MCTP1: variants seen among roughly 807,000 people sequenced by gnomAD.
The protein encoded by MCTP1 is multiple C2 and transmembrane domain containing 1, also known as multiple C2 and transmembrane domain-containing protein 1.
A neutral mutation model predicts 120.6 loss-of-function variants in MCTP1; 69 were observed. That is an observed-to-expected ratio of 0.57 (90% CI 0.47 to 0.70). MCTP1 has a LOEUF of 0.70. Ranked by LOEUF, MCTP1 falls within the 30% of genes least tolerant of loss-of-function variation. The pLI is 0.00. For synonymous variants in MCTP1, 529 were observed against 493.1 expected, an observed-to-expected ratio of 1.07 and a Z score of -0.96; for missense variants, 1,203 against 1,248.8, an observed-to-expected ratio of 0.96 and a Z score of 0.55.
intron 16 of MCTP1, among the ~76,000 whole-genome samples, chr5:94,869,398 G>C (rs1797413846): frequency 6.6e-6 from 1 of 151,916 alleles, no homozygotes; most frequent in African/African-American, 2.4e-5. Flanking sequence ...TTTAACAAGT[G>C]GCTAAAATTG....
At chr5:94,719,443 G>A (rs1342499972) in intron 19 of MCTP1, among the ~76,000 whole-genome samples, 1 of 152,190 alleles carries the variant, frequency 6.6e-6, no homozygotes, top group East Asian at 1.9e-4. Context: ...TAGACTGGAT[G>A]AAGAAAATGT....
intron 17 of MCTP1, among the ~76,000 whole-genome samples, chr5:94,818,016 GC>G (rs1284215972): frequency 6.6e-6 from 1 of 152,172 alleles, no homozygotes; most frequent in Non-Finnish European, 1.5e-5. Flanking sequence ...TCAAGGATGG[GC>G]AAATCAGAAC....
chr5:94,782,703 TCAAATAAAAC>T (rs149926959), intron 18 of MCTP1, among the ~76,000 whole-genome samples: 3,602 of 152,140 alleles, frequency 0.024, 64 homozygotes, highest in Middle Eastern at 0.058. Flanking sequence ...TCTTTCCTCT[TCAAATAAAAC>T]CAAATAAGCA....
chr5:94,826,603 C>G lies in MCTP1; in HGVS notation c.2437-27471G>C, dbSNP rs1370900808. 10 of 767,038 alleles carry G rather than the reference C, an allele frequency of 1.3e-5. No homozygotes were observed. In the African/African-American group the frequency reaches 1.5e-4, roughly 12 times the overall value. The allele number at this position is 767,038 out of a possible 1,614,324, so 47.5% of individuals were successfully genotyped here. On this transcript the variant is annotated intron_variant, in intron 17 of 22. Coordinates refer to ENST00000515393, the MANE Select transcript of MCTP1 (RefSeq NM_024717.7). ...TTTGGGCAAACTTCTTTCTCAGGCTCTTGATCTTCAGCTCTGCAAAATTCC... is the reference window on the plus strand; with the variant it reads ...TTTGGGCAAACTTCTTTCTCAGGCTGTTGATCTTCAGCTCTGCAAAATTCC...
Position 95,284,782 on chromosome 5 carries a change from G to A in MCTP1, c.-207C>T, listed in dbSNP as rs1760621743. Among the ~76,000 whole-genome samples, 3 of 152,062 alleles carry A rather than the reference G, an allele frequency of 2.0e-5. No individual in the cohort carries two copies. On this transcript the variant is annotated 5_prime_UTR_variant, in exon 1 of 23. Transcript: ENST00000515393. The surrounding 1 kb of genome is among the most constrained non-coding windows in gnomAD (Gnocchi z 5.2). ...GCGGCCGCCGCCGCCGAGGCTCTCT[G>A]GCCTCGGGACTCCGGCGCTGCCTCT...
intron 17 of MCTP1, among the ~76,000 whole-genome samples, chr5:94,855,200 CT>C (rs554194859): frequency 2.6e-5 from 4 of 151,818 alleles, no homozygotes; most frequent in Non-Finnish European, 5.9e-5. Context: ...CTTCTTTCTG[CT>C]CCATACAATG....
At chr5:94,715,528 A>G (rs1758883031) in intron 19 of MCTP1, among the ~76,000 whole-genome samples, 1 of 152,170 alleles carries the variant, frequency 6.6e-6, no homozygotes, top group African/African-American at 2.4e-5. Flanking sequence ...TTCTAACTAA[A>G]CATTTTTTCC....
chr5:95,206,448 A>T (rs528530365), intron 1 of MCTP1, among the ~76,000 whole-genome samples: 37 of 152,278 alleles, frequency 2.4e-4, no homozygotes, highest in Admixed American at 1.4e-3. Context: ...ATCTCAATGA[A>T]GCTGTTATAA....
chr5:94,831,571 C>T (rs1053930157), intron 17 of MCTP1, among the ~76,000 whole-genome samples: 2 of 152,154 alleles, frequency 1.3e-5, no homozygotes, highest in African/African-American at 2.4e-5. Flanking sequence ...CTTCTTACAG[C>T]TGATAGACAC....
At chr5:95,188,199 T>C (rs1021931629) in intron 1 of MCTP1, among the ~76,000 whole-genome samples, 21 of 152,100 alleles carry the variant, frequency 1.4e-4, no homozygotes, top group Admixed American at 1.3e-4. Flanking sequence ...AAATTAAAAC[T>C]ACAGTGAGAT....
chr5:94,864,960 C>T (rs750085860), intron 17 of MCTP1, among the ~76,000 whole-genome samples: 2 of 151,930 alleles, frequency 1.3e-5, no homozygotes, highest in Admixed American at 6.6e-5. Context: ...GAGACATTTC[C>T]ATGTCTACAA....
At chr5:95,169,365 G>T (rs552236604) in intron 1 of MCTP1, among the ~76,000 whole-genome samples, 2 of 152,000 alleles carry the variant, frequency 1.3e-5, no homozygotes, top group Non-Finnish European at 2.9e-5. Context: ...CTCTTTTTTT[G>T]TGGTGTTTAT....
At chr5:95,052,865 C>A (rs917269018) in intron 1 of MCTP1, among the ~76,000 whole-genome samples, 2 of 152,190 alleles carry the variant, frequency 1.3e-5, no homozygotes, top group African/African-American at 4.8e-5. Flanking sequence ...TCCAGTTAAA[C>A]CTGAATTTTA....
At chr5:95,269,067 T>G (rs1759149629) in intron 1 of MCTP1, among the ~76,000 whole-genome samples, 1 of 152,164 alleles carries the variant, frequency 6.6e-6, no homozygotes, top group Admixed American at 6.5e-5. Flanking sequence ...CTCCACTGAT[T>G]TATCTATAAA....
At chr5:94,878,550 T>C (rs991404409) in intron 12 of MCTP1, among the ~76,000 whole-genome samples, 4 of 152,072 alleles carry the variant, frequency 2.6e-5, no homozygotes, top group Non-Finnish European at 5.9e-5. Context: ...TCCTTTTTAC[T>C]ATCCTGGAAT....
intron 1 of MCTP1, among the ~76,000 whole-genome samples, chr5:95,203,875 T>C (rs1751338299): frequency 6.6e-6 from 1 of 152,262 alleles, no homozygotes; most frequent in Non-Finnish European, 1.5e-5. Context: ...ATTCTCTTCC[T>C]AATTGCCAGG....
chr5:94,770,840 C>T (rs766491504), intron 19 of MCTP1, among the ~76,000 whole-genome samples: 1 of 152,102 alleles, frequency 6.6e-6, no homozygotes, highest in Non-Finnish European at 1.5e-5. Flanking sequence ...AATATGAATT[C>T]GACAAGGATT....
intron 12 of MCTP1, among the ~76,000 whole-genome samples, chr5:94,885,161 G>T (rs527418097): frequency 2.0e-5 from 3 of 152,080 alleles, no homozygotes; most frequent in Non-Finnish European, 4.4e-5. Flanking sequence ...GGGTGGAGAA[G>T]TTTTATATTA....
chr5:94,895,326 C>T (rs900182453), intron 10 of MCTP1, among the ~76,000 whole-genome samples: 3 of 152,086 alleles, frequency 2.0e-5, no homozygotes, highest in Non-Finnish European at 4.4e-5. Flanking sequence ...AAAACCATGC[C>T]AATATATTCA....
Sources: gnomAD v4.1 joint callset for allele counts (sites outside exome capture counted in the v4.1 genomes callset) on GRCh38, gnomAD v4.1.1 for gene constraint, Gnocchi (gnomAD v3.1) non-coding constraint, MANE v1.5 for transcripts, NCBI Gene and HGNC (gene_info 2026-07-23, HGNC 2026-07-21) for gene names.